GBE1: variants seen among roughly 807,000 people sequenced by gnomAD.
The protein encoded by GBE1 is 1,4-alpha-glucan-branching enzyme.
In GBE1, 70 loss-of-function variants were observed where a neutral mutation model predicts 88.8. The observed-to-expected ratio is 0.79, with a 90% CI of 0.65 to 0.96. The LOEUF (loss-of-function observed/expected upper bound fraction) is 0.96. Among genes scored for constraint, GBE1 ranks in the 40% least tolerant of loss-of-function variants. The pLI is 0.00. For missense variants in GBE1, 872 were observed against 871.0 expected (o/e 1.00, Z -0.01); for synonymous variants, 284 against 300.1 (o/e 0.95, Z 0.56).
At chr3:81,605,981 T>C (rs1421604853) in intron 7 of GBE1, among the ~76,000 whole-genome samples, 2 of 152,190 alleles carry the variant, frequency 1.3e-5, no homozygotes, top group African/African-American at 4.8e-5. Flanking sequence ...TTCAGGTCTC[T>C]TATTGCAGGA....
chr3:81,586,986 T>C (rs1703811728), intron 9 of GBE1, among the ~76,000 whole-genome samples: 1 of 151,962 alleles, frequency 6.6e-6, no homozygotes, highest in Non-Finnish European at 1.5e-5. Flanking sequence ...GAGATGGGGT[T>C]TCATCATGTT....
At chr3:81,701,561 G>T (rs936157719) in intron 2 of GBE1, among the ~76,000 whole-genome samples, 1 of 151,596 alleles carries the variant, frequency 6.6e-6, no homozygotes, top group Non-Finnish European at 1.5e-5. Context: ...ACTGATTAAG[G>T]TACAAAATTT....
intron 14 of GBE1, among the ~76,000 whole-genome samples, chr3:81,526,267 C>G (rs1488528650): frequency 1.3e-5 from 2 of 152,034 alleles, no homozygotes; most frequent in Non-Finnish European, 2.9e-5. Flanking sequence ...CAATATCATA[C>G]TGAATGGGCA....
intron 5 of GBE1, among the ~76,000 whole-genome samples, chr3:81,647,521 T>C (rs148128987): frequency 1.3e-3 from 197 of 152,266 alleles, no homozygotes; most frequent in Admixed American, 5.6e-3. Context: ...AGAAAAAGTA[T>C]TGGTCTTAAA....
intron 3 of GBE1, 23 bp from the exon 4 acceptor site, chr3:81,649,944 T>C (rs978799675): frequency 3.2e-6 from 5 of 1,585,252 alleles, no homozygotes; most frequent in East Asian, 4.5e-5. Flanking sequence ...TGACATGTTA[T>C]TGCTTTAAAA....
intron 2 of GBE1, among the ~76,000 whole-genome samples, chr3:81,679,258 G>T (rs1159037777): frequency 1.3e-5 from 2 of 152,048 alleles, no homozygotes; most frequent in African/African-American, 4.8e-5. Context: ...TAAAGCACAG[G>T]GCATAAGGTT....
rs570601175 is a variant in GBE1 at position 81,700,719 on chromosome 3, C to CA, written c.313+4724dup. Among the ~76,000 whole-genome samples the CA allele has an allele frequency of 1.6e-4, 24 of 151,986 alleles. No individual in the cohort carries two copies. The East Asian group carries it at 2.5e-3, about 16-fold the overall frequency. On this transcript the variant is annotated intron_variant, in intron 2 of 15. Transcript: ENST00000429644. ...AAAAAAATTATAGACAAAACTGGCC[C>CA]AAAAAAACAGTTAAAAACTTCTTCT...
chr3:81,662,565 T>C (rs1347691628), intron 3 of GBE1, among the ~76,000 whole-genome samples: 2 of 151,942 alleles, frequency 1.3e-5, no homozygotes, highest in Non-Finnish European at 2.9e-5. Context: ...AAGCCTCTGA[T>C]CTTACCCTGT....
At chr3:81,698,305 T>A (rs1705633314) in intron 2 of GBE1, among the ~76,000 whole-genome samples, 1 of 151,942 alleles carries the variant, frequency 6.6e-6, no homozygotes, top group African/African-American at 2.4e-5. Flanking sequence ...ACTTAAAACC[T>A]AAATAGAAAT....
intron 1 of GBE1, among the ~76,000 whole-genome samples, chr3:81,743,058 A>G (rs1274627107): frequency 1.3e-5 from 2 of 152,188 alleles, no homozygotes; most frequent in African/African-American, 4.8e-5. Context: ...TAAATTCTAT[A>G]GAAAATACCA....
At chr3:81,686,231 G>A (rs1705436419) in intron 2 of GBE1, among the ~76,000 whole-genome samples, 1 of 152,148 alleles carries the variant, frequency 6.6e-6, no homozygotes, top group Non-Finnish European at 1.5e-5. Flanking sequence ...CAGAGAATAT[G>A]AAAGTAAGAG....
chr3:81,683,357 C>A (rs1270959022), intron 2 of GBE1, among the ~76,000 whole-genome samples: 6 of 151,966 alleles, frequency 3.9e-5, no homozygotes, highest in Non-Finnish European at 8.8e-5. Flanking sequence ...GTTGGAGATA[C>A]CGTAAAGGAA....
intron 1 of GBE1, among the ~76,000 whole-genome samples, chr3:81,720,322 C>T (rs990825966): frequency 6.7e-6 from 1 of 150,234 alleles, no homozygotes; most frequent in African/African-American, 2.5e-5. Flanking sequence ...CACATACACA[C>T]ACGCACACAC....
At chr3:81,549,963 C>T (rs1353358663) in intron 12 of GBE1, among the ~76,000 whole-genome samples, 2 of 151,250 alleles carry the variant, frequency 1.3e-5, no homozygotes, top group Non-Finnish European at 3.0e-5. Context: ...ACCCTGCTTA[C>T]TCCTATAAAC....
At chr3:81,592,267 G>A (rs1157514044) in intron 8 of GBE1, among the ~76,000 whole-genome samples, 1 of 151,952 alleles carries the variant, frequency 6.6e-6, no homozygotes, top group East Asian at 1.9e-4. Flanking sequence ...ACAAAAGTGC[G>A]CCCTTTGACC....
At chr3:81,507,068 A>G (rs1702664204) in intron 14 of GBE1, among the ~76,000 whole-genome samples, 1 of 151,942 alleles carries the variant, frequency 6.6e-6, no homozygotes, top group Non-Finnish European at 1.5e-5. Context: ...TGAACTTAAA[A>G]CATAAGTCAA....
intron 12 of GBE1, among the ~76,000 whole-genome samples, chr3:81,563,868 G>A (rs1013433953): frequency 7.1e-6 from 1 of 140,622 alleles, no homozygotes; most frequent in Non-Finnish European, 1.6e-5. Context: ...GAGTTGTGTG[G>A]ATAATGAATA....
At chr3:81,617,959 T>C (rs1704273224) in intron 7 of GBE1, among the ~76,000 whole-genome samples, 2 of 152,050 alleles carry the variant, frequency 1.3e-5, no homozygotes, top group Admixed American at 6.5e-5. Flanking sequence ...TTTTTAGAAA[T>C]AGATCCATTT....
At chr3:81,667,577 T>C (rs1321006275) in intron 3 of GBE1, among the ~76,000 whole-genome samples, 1 of 152,180 alleles carries the variant, frequency 6.6e-6, no homozygotes, top group Non-Finnish European at 1.5e-5. Flanking sequence ...ATATTAGTTG[T>C]GGGTTTGTCA....
Sources: allele counts gnomAD v4.1 joint callset (sites outside exome capture counted in the v4.1 genomes callset), GRCh38; gene constraint gnomAD v4.1.1; transcripts MANE v1.5; gene names NCBI Gene and HGNC (gene_info 2026-07-23, HGNC 2026-07-21).